Variants in TRAPPC9 observed in about 807,000 individuals in gnomAD.
TRAPPC9 encodes trafficking protein particle complex subunit 9, also known as IKK2 binding protein.
A neutral mutation model predicts 124.0 loss-of-function variants in TRAPPC9; 83 were observed. The observed-to-expected ratio is 0.67, with a 90% confidence interval of 0.56 to 0.80. The LOEUF (loss-of-function observed/expected upper bound fraction) is 0.80, where lower values mean the gene tolerates loss of function less well. Among genes scored for constraint, TRAPPC9 ranks in the 30% least tolerant of loss-of-function variants. The pLI is 0.00. For synonymous variants in TRAPPC9, 638 were observed against 617.5 expected (o/e 1.03, Z -0.49); for missense variants, 1,302 against 1,508.3 (o/e 0.86, Z 2.27).
At chr8:139,879,698 C>A (rs1044084926) in intron 21 of TRAPPC9, among the ~76,000 whole-genome samples, 3 of 152,196 alleles carry the variant, frequency 2.0e-5, no homozygotes, top group African/African-American at 4.8e-5. Context: ...CCTCTCCTAG[C>A]CTGGAGTTCC....
intron 17 of TRAPPC9, among the ~76,000 whole-genome samples, chr8:140,125,340 G>A (rs984946516): frequency 3.3e-5 from 5 of 152,236 alleles, no homozygotes; most frequent in Non-Finnish European, 7.3e-5. Context: ...GACGGCTGCG[G>A]TGACCCAGGA....
intron 21 of TRAPPC9, among the ~76,000 whole-genome samples, chr8:139,756,649 G>C (rs1231409028): frequency 7.6e-6 from 1 of 132,276 alleles, no homozygotes; most frequent in East Asian, 2.4e-4. Context: ...ACAGCAGGTC[G>C]CAGGAGGAGC....
At position 140,339,043 on chromosome 8, in the gene TRAPPC9, G is replaced by A. The variant is rs985926122; in HGVS notation, c.1495+21007C>T. On this transcript the variant is annotated intron_variant, in intron 9 of 22. Transcript: ENST00000438773. ...GGCCACCTACAGGCCGACGGGAAAC[G>A]GCTCAGAGAAAACCACCGCCACCAG... 9.7e-3 allele frequency among the ~76,000 whole-genome samples: 1,321 copies of A among 136,552 alleles called. 9 individuals are homozygous for A. Among genetic ancestry groups the A allele is most frequent in the African/African-American group, 0.035 (1,244 of 35,132 alleles). 89.6% of individuals were successfully genotyped at this position (136,552 alleles called of 152,430 possible). A position where few individuals can be genotyped will look rare whatever the true frequency, so the allele number is the denominator to read the frequency against.
chr8:140,043,726 T>G (rs1402208610), intron 17 of TRAPPC9, among the ~76,000 whole-genome samples: 1 of 152,226 alleles, frequency 6.6e-6, no homozygotes, highest in African/African-American at 2.4e-5. Flanking sequence ...TGTGCATTTC[T>G]AAGAAGAGCC....
intron 17 of TRAPPC9, among the ~76,000 whole-genome samples, chr8:140,089,377 A>G (rs2130143434): frequency 6.6e-6 from 1 of 152,340 alleles, no homozygotes; most frequent in Middle Eastern, 3.4e-3. Flanking sequence ...TAGAAAGACC[A>G]TAGGGTATAT....
chr8:140,012,348 T>C (rs1839193520), intron 18 of TRAPPC9, among the ~76,000 whole-genome samples: 1 of 152,110 alleles, frequency 6.6e-6, no homozygotes, highest in Non-Finnish European at 1.5e-5. Context: ...TATGTCCCTA[T>C]CACGTGCCAG....
intron 17 of TRAPPC9, among the ~76,000 whole-genome samples, chr8:140,158,069 T>C (rs1277613486): frequency 6.6e-6 from 1 of 152,228 alleles, no homozygotes; most frequent in Non-Finnish European, 1.5e-5. Flanking sequence ...TAAATAATGC[T>C]ATAACAGATA....
At chr8:140,086,950 C>T (rs567569325) in intron 17 of TRAPPC9, among the ~76,000 whole-genome samples, 43 of 151,890 alleles carry the variant, frequency 2.8e-4, no homozygotes, top group Middle Eastern at 3.4e-3. Flanking sequence ...AAAAAAAATC[C>T]CTCTCTTCAT....
chr8:140,296,210 A>T (rs979138951), intron 11 of TRAPPC9, among the ~76,000 whole-genome samples: 7 of 152,250 alleles, frequency 4.6e-5, no homozygotes, highest in African/African-American at 1.7e-4. Flanking sequence ...TGTTTGCTTA[A>T]GCCCTCTTCA....
chr8:140,403,867 G>A (rs1216816156), intron 6 of TRAPPC9, among the ~76,000 whole-genome samples: 5 of 151,760 alleles, frequency 3.3e-5, no homozygotes, highest in African/African-American at 4.8e-5. Context: ...CATGTTGCCC[G>A]GGGTGGTCTC....
chr8:140,386,932 G>A (rs2068769844), intron 7 of TRAPPC9, among the ~76,000 whole-genome samples: 1 of 152,182 alleles, frequency 6.6e-6, no homozygotes. Flanking sequence ...CAAGGCTACA[G>A]TAACCAAAAC....
chr8:139,762,595 G>C (rs144005235), intron 21 of TRAPPC9, among the ~76,000 whole-genome samples: 2 of 152,202 alleles, frequency 1.3e-5, no homozygotes, highest in Non-Finnish European at 2.9e-5. Context: ...CACAGAAAAG[G>C]TATGGTAAAA....
At chr8:140,179,033 G>C (rs1254375028) in intron 17 of TRAPPC9, among the ~76,000 whole-genome samples, 1 of 151,928 alleles carries the variant, frequency 6.6e-6, no homozygotes, top group Non-Finnish European at 1.5e-5. Context: ...GCATTTTATT[G>C]ATCTCTTCAG....
chr8:139,982,185 C>T (rs937633060), intron 19 of TRAPPC9, among the ~76,000 whole-genome samples: 2 of 152,144 alleles, frequency 1.3e-5, no homozygotes, highest in East Asian at 1.9e-4. Context: ...AAAGTTCATG[C>T]GGTTTCACTA....
Position 139,776,587 on chromosome 8 carries a change from G to T in TRAPPC9, c.3056-44385C>A, listed in dbSNP as rs1821399015. Reference sequence around the variant, plus strand: ...CAGGCCTCATTCGCAGCTGTGTTCTGAACCTGGACTCCGCCACATGGCTCG... The same window carrying T: ...CAGGCCTCATTCGCAGCTGTGTTCTTAACCTGGACTCCGCCACATGGCTCG... On this transcript the variant is annotated intron_variant, in intron 21 of 22. Transcript: ENST00000438773. The surrounding 1 kb of genome is among the most constrained non-coding windows in gnomAD (Gnocchi z 4.1). Among the ~76,000 whole-genome samples the T allele has an allele frequency of 1.3e-5, 2 of 152,162 alleles. No homozygotes were observed. Among genetic ancestry groups the T allele is most frequent in the African/African-American group, 4.8e-5 (2 of 41,454 alleles).
At chr8:139,821,510 A>G (rs910210515) in intron 21 of TRAPPC9, among the ~76,000 whole-genome samples, 1 of 152,254 alleles carries the variant, frequency 6.6e-6, no homozygotes, top group African/African-American at 2.4e-5. Flanking sequence ...ATGTTAATAC[A>G]TCTCCATATG....
intron 17 of TRAPPC9, among the ~76,000 whole-genome samples, chr8:140,219,182 G>A (rs1315874565): frequency 1.3e-5 from 2 of 152,114 alleles, no homozygotes; most frequent in African/African-American, 4.8e-5. Flanking sequence ...CAATAAATCA[G>A]GGAAGAAAGG....
chr8:139,836,360 C>T (rs997522322), intron 21 of TRAPPC9, among the ~76,000 whole-genome samples: 1 of 152,220 alleles, frequency 6.6e-6, no homozygotes, highest in Non-Finnish European at 1.5e-5. Flanking sequence ...GACCCCGGAG[C>T]GGGACCGATC....
At chr8:139,948,097 A>G (rs931548876) in intron 19 of TRAPPC9, among the ~76,000 whole-genome samples, 30 of 151,800 alleles carry the variant, frequency 2.0e-4, no homozygotes, top group African/African-American at 6.8e-4. Flanking sequence ...AGTGCGAATC[A>G]TAAGCCTTGC....
Sources: gnomAD v4.1 joint callset for allele counts (sites outside exome capture counted in the v4.1 genomes callset) on GRCh38, gnomAD v4.1.1 for gene constraint, Gnocchi (gnomAD v3.1) non-coding constraint, MANE v1.5 for transcripts, NCBI Gene and HGNC (gene_info 2026-07-23, HGNC 2026-07-21) for gene names.